The following KIF6 variants were observed in gnomAD, a reference collection of about 807,000 sequenced individuals.
KIF6 encodes kinesin-like protein KIF6.
A neutral mutation model predicts 112.7 loss-of-function variants in KIF6; 106 were observed. The observed-to-expected ratio is 0.94, with a 90% CI of 0.80 to 1.11. The LOEUF is 1.11. Ranked by LOEUF, KIF6 falls within the 50% of genes least tolerant of loss-of-function variation. The probability of loss-of-function intolerance (pLI) is 0.00; values close to 1 mark genes in which losing one functional copy is unlikely to be tolerated. For missense variants in KIF6, 929 were observed against 964.0 expected (o/e 0.96, Z 0.48); for synonymous variants, 339 against 339.9 (o/e 1.00, Z 0.03).
intron 15 of KIF6, among the ~76,000 whole-genome samples, chr6:39,387,452 G>A (rs1767520344): frequency 1.3e-5 from 2 of 152,320 alleles, no homozygotes; most frequent in Middle Eastern, 3.4e-3. Context: ...GCATGTCTGT[G>A]CCTTGGTTTC....
At chr6:39,719,883 T>C (rs972991846) in intron 2 of KIF6, among the ~76,000 whole-genome samples, 1 of 152,080 alleles carries the variant, frequency 6.6e-6, no homozygotes, top group African/African-American at 2.4e-5. Flanking sequence ...TTCAGGAGGC[T>C]AAGGTGGGAG....
chr6:39,504,806 CT>C (rs1296225711), intron 13 of KIF6, among the ~76,000 whole-genome samples: 1 of 152,120 alleles, frequency 6.6e-6, no homozygotes, highest in Non-Finnish European at 1.5e-5. Context: ...AGTGAAGGAC[CT>C]CTTTGAGGAG....
At chr6:39,405,816 C>A (rs943758912) in intron 15 of KIF6, among the ~76,000 whole-genome samples, 1 of 152,130 alleles carries the variant, frequency 6.6e-6, no homozygotes, top group African/African-American at 2.4e-5. Flanking sequence ...TCTGGGCCTT[C>A]ATTCTTTTTG....
Position 39,345,622 on chromosome 6 carries a change from G to T in KIF6, c.2321+78C>A. ...TGGCTACTGGACGAGGGGCTTTTTC[G>T]GGGAGTAGACTGGAGATGGAGGCCC... On this transcript the variant is annotated intron_variant, in intron 21 of 22. Transcript: ENST00000287152. 3 of 1,212,504 alleles carry T rather than the reference G, an allele frequency of 2.5e-6. No individual in the cohort carries two copies. The South Asian group carries it at 4.3e-5, about 17-fold the overall frequency. 75.1% of individuals were successfully genotyped at this position (1,212,504 alleles called of 1,614,324 possible). A position where few individuals can be genotyped will look rare whatever the true frequency, so the allele number is the denominator to read the frequency against.
chr6:39,710,691 G>T (rs1349411437), intron 3 of KIF6, among the ~76,000 whole-genome samples: 1 of 152,144 alleles, frequency 6.6e-6, no homozygotes, highest in Admixed American at 6.6e-5. Context: ...GAACCACAGG[G>T]CAAAGAGAGG....
intron 21 of KIF6, among the ~76,000 whole-genome samples, chr6:39,344,434 T>A (rs1055792755): frequency 1.3e-5 from 2 of 152,180 alleles, no homozygotes; most frequent in Admixed American, 1.3e-4. Flanking sequence ...TTAAACTCTG[T>A]CCCATGACCT....
chr6:39,545,431 G>A (rs544989881), intron 11 of KIF6, 152 bp downstream of exon 11: 11 of 572,532 alleles, frequency 1.9e-5, no homozygotes, highest in African/African-American at 1.9e-4. Flanking sequence ...AAGAAACTCA[G>A]TGATAATCAT....
Position 39,332,139 on chromosome 6 carries a change from G to T in KIF6, c.*4393C>A, listed in dbSNP as rs994856305. 3 of 152,018 alleles carry T rather than the reference G, an allele frequency of 2.0e-5. No homozygotes were observed. The highest frequency in any genetic ancestry group is 4.4e-5 in the Non-Finnish European group (3 of 68,030). 9.4% of individuals were successfully genotyped at this position (152,018 alleles called of 1,614,324 possible). A position where few individuals can be genotyped will look rare whatever the true frequency, so the allele number is the denominator to read the frequency against. ...TTTTTGTATTTTTAGTAGAGACGGG[G>T]TTTCCCCATGTTGAACAGGCTGTTC... On this transcript the variant is annotated 3_prime_UTR_variant, in exon 23 of 23. Coordinates refer to ENST00000287152, the MANE Select transcript of KIF6 (RefSeq NM_145027.6).
chr6:39,543,913 C>T (rs1778929954), intron 12 of KIF6, among the ~76,000 whole-genome samples: 1 of 152,056 alleles, frequency 6.6e-6, no homozygotes, highest in South Asian at 2.1e-4. Flanking sequence ...AGAATTCTAT[C>T]TTATTTGGTA....
At position 39,431,040 on chromosome 6, in the gene KIF6, G is replaced by C. The variant is rs1338506113; in HGVS notation, c.1754+13C>G. Reference sequence around the variant, plus strand: ...AGCCTCGGAGGACCAGCTGCTCTCTGAGACAGCCTTACCTCTGTTTCAGAA... The same window carrying C: ...AGCCTCGGAGGACCAGCTGCTCTCTCAGACAGCCTTACCTCTGTTTCAGAA... On this transcript the variant is annotated intron_variant, in intron 14 of 22. Transcript: ENST00000287152. 2 of 1,568,238 alleles carry C rather than the reference G, an allele frequency of 1.3e-6. No homozygotes were observed. The highest frequency in any genetic ancestry group is 1.8e-6 in the Non-Finnish European group (2 of 1,140,134).
intron 19 of KIF6, among the ~76,000 whole-genome samples, chr6:39,355,008 C>T (rs1267865007): frequency 6.6e-6 from 1 of 152,026 alleles, no homozygotes; most frequent in Admixed American, 6.6e-5. Context: ...TGAGACTCTT[C>T]CTCTACAAAC....
chr6:39,601,147 A>C (rs1782548201), intron 6 of KIF6, among the ~76,000 whole-genome samples: 2 of 152,078 alleles, frequency 1.3e-5, no homozygotes, highest in African/African-American at 4.8e-5. Flanking sequence ...AAAATGTCTT[A>C]CCAGCATCTT....
At chr6:39,653,121 C>T (rs560320046) in intron 3 of KIF6, among the ~76,000 whole-genome samples, 1 of 152,182 alleles carries the variant, frequency 6.6e-6, no homozygotes, top group Admixed American at 6.5e-5. Context: ...CATTTGTTCT[C>T]ATCTTAAAAC....
At chr6:39,362,026 T>G (rs937587580) in intron 17 of KIF6, among the ~76,000 whole-genome samples, 4 of 152,160 alleles carry the variant, frequency 2.6e-5, no homozygotes, top group African/African-American at 9.7e-5. Context: ...ACATGCCTGT[T>G]TATGCTTGAG....
intron 6 of KIF6, among the ~76,000 whole-genome samples, chr6:39,603,846 C>T (rs1454050801): frequency 6.6e-6 from 1 of 152,082 alleles, no homozygotes; most frequent in East Asian, 1.9e-4. Flanking sequence ...TATTTCTTGC[C>T]ATAACTTATA....
chr6:39,347,088 A>G (rs1360607184), intron 19 of KIF6, among the ~76,000 whole-genome samples: 2 of 152,234 alleles, frequency 1.3e-5, no homozygotes, highest in Non-Finnish European at 2.9e-5. Context: ...TAATCCTCTC[A>G]ATGACCTAAG....
intron 19 of KIF6, among the ~76,000 whole-genome samples, chr6:39,352,442 C>T (rs1173559235): frequency 2.0e-5 from 3 of 152,164 alleles, no homozygotes; most frequent in African/African-American, 7.2e-5. Context: ...TCCTTTCCTC[C>T]CTACAAGTCC....
intron 13 of KIF6, among the ~76,000 whole-genome samples, chr6:39,515,312 G>A (rs1005034517): frequency 6.6e-6 from 1 of 152,188 alleles, no homozygotes; most frequent in Non-Finnish European, 1.5e-5. Context: ...TCATGAATAG[G>A]AACCATATCG....
chr6:39,476,570 G>C (rs971523879), intron 13 of KIF6, among the ~76,000 whole-genome samples: 28 of 152,206 alleles, frequency 1.8e-4, no homozygotes, highest in African/African-American at 6.0e-4. Flanking sequence ...GCTAGAAGTA[G>C]CCTGAGGAAC....
Sources: allele counts gnomAD v4.1 joint callset (sites outside exome capture counted in the v4.1 genomes callset), GRCh38; gene constraint gnomAD v4.1.1; transcripts MANE v1.5; gene names NCBI Gene and HGNC (gene_info 2026-07-23, HGNC 2026-07-21).